Variants in GDA observed in about 807,000 individuals in gnomAD.
GDA encodes the protein cytoplasmic PSD-95 interactor.
In GDA, 18 loss-of-function variants were observed where a neutral mutation model predicts 59.6. That is an observed-to-expected ratio of 0.30 (90% CI 0.21 to 0.45). The LOEUF (loss-of-function observed/expected upper bound fraction) is 0.45, where lower values mean the gene tolerates loss of function less well. Among genes scored for constraint, GDA ranks in the 20% least tolerant of loss-of-function variants. The probability of loss-of-function intolerance (pLI) is 1.00; values close to 1 mark genes in which losing one functional copy is unlikely to be tolerated. For synonymous variants in GDA, 201 were observed against 201.1 expected (o/e 1.00, Z 0.00); for missense variants, 427 against 552.3 (o/e 0.77, Z 2.27).
intron 3 of GDA, among the ~76,000 whole-genome samples, chr9:72,203,311 T>A (rs1834245629): frequency 6.6e-6 from 1 of 152,178 alleles, no homozygotes; most frequent in Non-Finnish European, 1.5e-5. Flanking sequence ...TTAGAAGGAA[T>A]ATCATGTTAT....
chr9:72,237,168 G>A (rs1024006195), intron 10 of GDA, among the ~76,000 whole-genome samples: 2 of 152,082 alleles, frequency 1.3e-5, no homozygotes, highest in African/African-American at 4.8e-5. Context: ...AAAGAGTGGG[G>A]ATCCACACTG....
At chr9:72,164,827 C>CA (rs1207256639) in intron 1 of GDA, among the ~76,000 whole-genome samples, 2,105 of 138,636 alleles carry the variant, frequency 0.015, 30 homozygotes, top group African/African-American at 0.043. Flanking sequence ...ACTAAAAATA[C>CA]AAAAAAAAAA....
chr9:72,154,276 G>A (rs1382912591), intron 1 of GDA, among the ~76,000 whole-genome samples: 1 of 152,156 alleles, frequency 6.6e-6, no homozygotes, highest in Non-Finnish European at 1.5e-5. Context: ...GACCTAACCT[G>A]CCTGAGCCTC....
intron 1 of GDA, among the ~76,000 whole-genome samples, chr9:72,168,066 G>A (rs12000375): frequency 0.35 from 52,806 of 151,940 alleles, 10,329 homozygotes; most frequent in Non-Finnish European, 0.44. Context: ...ATATATTTGA[G>A]GAATGGCTAA....
At chr9:72,132,867 A>G (rs963068980) in intron 1 of GDA, among the ~76,000 whole-genome samples, 2 of 152,152 alleles carry the variant, frequency 1.3e-5, no homozygotes, top group African/African-American at 4.8e-5. Context: ...GGATATTTGC[A>G]CTTGACTATG....
intron 2 of GDA, 21 bp downstream of exon 2, chr9:72,195,609 T>G: frequency 9.0e-7 from 1 of 1,105,218 alleles, no homozygotes; most frequent in Non-Finnish European, 1.3e-6. Context: ...ACTTCTTCCC[T>G]TTTACTGGGT....
intron 1 of GDA, among the ~76,000 whole-genome samples, chr9:72,152,641 GT>G (rs555724903): frequency 3.3e-5 from 5 of 152,062 alleles, no homozygotes; most frequent in African/African-American, 1.2e-4. Context: ...GGGGTTGTTT[GT>G]TTTTTTCTTG....
intron 1 of GDA, among the ~76,000 whole-genome samples, chr9:72,152,320 T>C (rs1447036039): frequency 6.6e-6 from 1 of 152,216 alleles, no homozygotes; most frequent in Non-Finnish European, 1.5e-5. Context: ...AGAATGCCAA[T>C]GACTAACTGC....
chr9:72,216,653 G>T (rs1042315112), intron 5 of GDA, among the ~76,000 whole-genome samples: 3 of 151,894 alleles, frequency 2.0e-5, no homozygotes, highest in Non-Finnish European at 4.4e-5. Flanking sequence ...ACCAGCGATT[G>T]CCTGGGGCTG....
chr9:72,243,573 C>G (rs1423851982), intron 11 of GDA, among the ~76,000 whole-genome samples: 2 of 152,126 alleles, frequency 1.3e-5, no homozygotes, highest in African/African-American at 4.8e-5. Flanking sequence ...CAGTCCTTTC[C>G]CATACAATTA....
intron 1 of GDA, among the ~76,000 whole-genome samples, chr9:72,155,226 G>A (rs1286950967): frequency 6.6e-6 from 1 of 152,154 alleles, no homozygotes; most frequent in Non-Finnish European, 1.5e-5. Context: ...TTACATGGCG[G>A]CAGCAAGAGA....
At chr9:72,220,215 T>C (rs906365780) in intron 6 of GDA, among the ~76,000 whole-genome samples, 1 of 152,142 alleles carries the variant, frequency 6.6e-6, no homozygotes, top group African/African-American at 2.4e-5. Context: ...CTCACTTATT[T>C]GTGAAATCTA....
intron 1 of GDA, among the ~76,000 whole-genome samples, chr9:72,120,153 A>G (rs1316654051): frequency 6.6e-6 from 1 of 151,756 alleles, no homozygotes; most frequent in East Asian, 1.9e-4. Flanking sequence ...CAATAATTAC[A>G]AACTACAGCA....
intron 9 of GDA, among the ~76,000 whole-genome samples, chr9:72,230,690 T>C (rs181761346): frequency 6.6e-6 from 1 of 152,204 alleles, no homozygotes; most frequent in African/African-American, 2.4e-5. Context: ...TTAAAGTCAC[T>C]ACTCATTCAG....
At chr9:72,194,896 T>C (rs1007923311) in intron 1 of GDA, among the ~76,000 whole-genome samples, 1 of 152,182 alleles carries the variant, frequency 6.6e-6, no homozygotes, top group Non-Finnish European at 1.5e-5. Context: ...CCAGTTTTCT[T>C]TCTGCTATAA....
At chr9:72,149,903 G>A (rs929258500) in intron 1 of GDA, among the ~76,000 whole-genome samples, 3 of 152,222 alleles carry the variant, frequency 2.0e-5, no homozygotes, top group Non-Finnish European at 4.4e-5. Context: ...GCAGTGGCGT[G>A]CTAACGCCAC....
chr9:72,214,567 T>C (rs11143173), intron 5 of GDA, among the ~76,000 whole-genome samples: 33,652 of 151,990 alleles, frequency 0.22, 4,332 homozygotes, highest in East Asian at 0.51. Context: ...GTGCTGAGAT[T>C]ACAGGCGTGA....
At chr9:72,221,517 T>G (rs1238755791) in intron 6 of GDA, among the ~76,000 whole-genome samples, 3 of 152,248 alleles carry the variant, frequency 2.0e-5, no homozygotes, top group Non-Finnish European at 4.4e-5. Flanking sequence ...ATATGCATTT[T>G]GGGGTACCCT....
At chr9:72,167,943 A>G (rs1182887422) in intron 1 of GDA, among the ~76,000 whole-genome samples, 1 of 152,212 alleles carries the variant, frequency 6.6e-6, no homozygotes, top group Non-Finnish European at 1.5e-5. Flanking sequence ...GTAAATTTTT[A>G]CTAGTGTTGC....
Sources: gnomAD v4.1 joint callset for allele counts (sites outside exome capture counted in the v4.1 genomes callset) on GRCh38, gnomAD v4.1.1 for gene constraint, MANE v1.5 for transcripts, NCBI Gene and HGNC (gene_info 2026-07-23, HGNC 2026-07-21) for gene names.